Variants in CCL28 observed in about 807,000 individuals in gnomAD.
CCL28 encodes C-C motif chemokine 28.
In CCL28, 4 loss-of-function variants were observed where a neutral mutation model predicts 7.1. The observed-to-expected ratio is 0.56, with a 90% CI of 0.28 to 1.29. The LOEUF (loss-of-function observed/expected upper bound fraction) is 1.29, where lower values mean the gene tolerates loss of function less well. Among genes scored for constraint, CCL28 ranks in the 50% most tolerant of loss-of-function variants. The probability of loss-of-function intolerance (pLI) is 0.11; values close to 1 mark genes in which losing one functional copy is unlikely to be tolerated. For synonymous variants in CCL28, 55 were observed against 57.8 expected (o/e 0.95, Z 0.22); for missense variants, 151 against 163.4 (o/e 0.92, Z 0.41).
At chr5:43,361,657 A>AT in the CCL28 span, among the ~76,000 whole-genome samples, 1 of 152,054 alleles carries the variant, frequency 6.6e-6, no homozygotes, top group East Asian at 1.9e-4. Context: ...TCTTGAGTTG[A>AT]TTTTTATATA....
At chr5:43,358,349 A>G in the CCL28 span, among the ~76,000 whole-genome samples, 7 of 152,358 alleles carry the variant, frequency 4.6e-5, no homozygotes, top group African/African-American at 1.7e-4. Context: ...GGTCATAAAA[A>G]AGCAAAAACA....
the CCL28 span, among the ~76,000 whole-genome samples, chr5:43,368,886 C>T: frequency 2.6e-5 from 4 of 151,602 alleles, no homozygotes; most frequent in Non-Finnish European, 2.9e-5. Flanking sequence ...ACTCTGAAAC[C>T]GTGAGACAAT....
chr5:43,392,185 C>T (rs937167492), intron 1 of CCL28, among the ~76,000 whole-genome samples: 1 of 152,138 alleles, frequency 6.6e-6, no homozygotes, highest in African/African-American at 2.4e-5. Context: ...GGCGCGATCT[C>T]GGCTCATTGC....
intron 2 of CCL28, among the ~76,000 whole-genome samples, chr5:43,387,685 A>G (rs1740397167): frequency 6.6e-6 from 1 of 152,156 alleles, no homozygotes; most frequent in African/African-American, 2.4e-5. Context: ...GTTGGAGTGC[A>G]CTGGCATGAG....
intron 2 of CCL28, among the ~76,000 whole-genome samples, chr5:43,384,716 G>T (rs1409165776): frequency 2.0e-5 from 3 of 151,936 alleles, no homozygotes; most frequent in Non-Finnish European, 4.4e-5. Flanking sequence ...CCCTGCCATA[G>T]AGATTATACC....
At chr5:43,358,075 C>T in the CCL28 span, among the ~76,000 whole-genome samples, 78 of 152,312 alleles carry the variant, frequency 5.1e-4, no homozygotes, top group Admixed American at 2.5e-3. Context: ...CCACTCACGC[C>T]TTGTGAAGAT....
rs73751084 is a variant in CCL28, at chr5:43,397,496, C to G, written c.65-9020G>C. 1.8e-3 allele frequency among the ~76,000 whole-genome samples: 272 copies of G among 152,094 alleles called. 1 individual carries two copies. The highest frequency in any genetic ancestry group is 6.4e-3 in the African/African-American group (265 of 41,480). On this transcript the variant is annotated intron_variant, in intron 1 of 2. Coordinates refer to ENST00000361115, the MANE Select transcript of CCL28 (RefSeq NM_148672.3). ...GCCCAAGTACCCTCCTGGTCCACAG[C>G]CAGAATTAAAATGAGGCACGAGCCT...
chr5:43,369,403 T>C, the CCL28 span, among the ~76,000 whole-genome samples: 1 of 151,922 alleles, frequency 6.6e-6, no homozygotes, highest in Admixed American at 6.5e-5. Context: ...ATGTATGTTA[T>C]TTTATTTTTT....
chr5:43,373,274 T>C (rs1037146359), downstream of CCL28, among the ~76,000 whole-genome samples: 2 of 152,116 alleles, frequency 1.3e-5, no homozygotes, highest in Non-Finnish European at 2.9e-5. Flanking sequence ...AAGTTCCAGT[T>C]GCTCCACATC....
intron 1 of CCL28, among the ~76,000 whole-genome samples, chr5:43,397,679 G>A (rs1740868793): frequency 6.6e-6 from 1 of 152,114 alleles, no homozygotes; most frequent in South Asian, 2.1e-4. Context: ...GCATTTTCAC[G>A]CCTCGATCAT....
chr5:43,406,872 G>C (rs1315350493), intron 1 of CCL28, among the ~76,000 whole-genome samples: 1 of 152,148 alleles, frequency 6.6e-6, no homozygotes, highest in Non-Finnish European at 1.5e-5. Context: ...GCCAAATCAT[G>C]AGTGAACTCC....
At chr5:43,370,411 G>A in the CCL28 span, among the ~76,000 whole-genome samples, 3 of 151,742 alleles carry the variant, frequency 2.0e-5, no homozygotes, top group Admixed American at 1.3e-4. Context: ...TTGGTGGTTG[G>A]CATGATACAC....
At position 43,379,329 on chromosome 5, in the gene CCL28, G is replaced by A. The variant is rs866077355; in HGVS notation, c.*2531C>T. ...AACTTTTATTAATGTTGGTTATCAC[G>A]GTTAATTAATTTAAAATTGTGGTTT... is the stretch of plus-strand genomic sequence containing the variant. On this transcript the variant is annotated 3_prime_UTR_variant, in exon 3 of 3. Coordinates refer to ENST00000361115, the MANE Select transcript of CCL28 (RefSeq NM_148672.3). 3 of 151,720 alleles carry A rather than the reference G, an allele frequency of 2.0e-5. No individual in the cohort carries two copies. Among genetic ancestry groups the A allele is most frequent in the African/African-American group, 7.3e-5 (3 of 41,294 alleles). The allele number at this position is 151,720 out of a possible 1,614,324, so 9.4% of individuals were successfully genotyped here.
chr5:43,357,578 A>C, the CCL28 span, among the ~76,000 whole-genome samples: 1 of 152,098 alleles, frequency 6.6e-6, no homozygotes, highest in Non-Finnish European at 1.5e-5. Flanking sequence ...TCAAGCTCCC[A>C]AATTCTTCTC....
At chr5:43,408,788 T>C (rs1741411775) in intron 1 of CCL28, among the ~76,000 whole-genome samples, 1 of 152,174 alleles carries the variant, frequency 6.6e-6, no homozygotes, top group Admixed American at 6.6e-5. Flanking sequence ...CTTTAAATTT[T>C]TATATTTGAA....
chr5:43,377,873 C>CAGG (rs1739948856), downstream of CCL28, among the ~76,000 whole-genome samples: 1 of 148,194 alleles, frequency 6.7e-6, no homozygotes, highest in African/African-American at 2.5e-5. Flanking sequence ...GCTGGGACTA[C>CAGG]AGGCGCCCGC....
At chr5:43,407,495 A>T (rs1741333791) in intron 1 of CCL28, among the ~76,000 whole-genome samples, 1 of 152,242 alleles carries the variant, frequency 6.6e-6, no homozygotes, top group Admixed American at 6.5e-5. Context: ...AATTAATTCA[A>T]GATGGATTAA....
At chr5:43,388,146 G>C (rs1442699456) in intron 2 of CCL28, 6 of 555,522 alleles carry the variant, frequency 1.1e-5, no homozygotes, top group African/African-American at 9.6e-5. Flanking sequence ...TGCTGGTATG[G>C]GGCTCAGGAC....
rs979638609 is a variant in CCL28, at chr5:43,379,513, C to A, written c.*2347G>T. The A allele has an allele frequency of 6.6e-6, 1 of 152,098 alleles. No individual in the cohort carries two copies. Among genetic ancestry groups the A allele is most frequent in the Non-Finnish European group, 1.5e-5 (1 of 68,022 alleles). 9.4% of individuals were successfully genotyped at this position (152,098 alleles called of 1,614,324 possible). A position where few individuals can be genotyped will look rare whatever the true frequency, so the allele number is the denominator to read the frequency against. On this transcript the variant is annotated 3_prime_UTR_variant, in exon 3 of 3. Transcript: ENST00000361115. The stretch of plus-strand genomic sequence containing the variant: ...AGTGGAAATATAAATACAAAGCTTG[C>A]AGAAATGTCAGGAAAATAAATAAAT...
Sources: allele counts gnomAD v4.1 joint callset (sites outside exome capture counted in the v4.1 genomes callset), GRCh38; gene constraint gnomAD v4.1.1; transcripts MANE v1.5; gene names NCBI Gene and HGNC (gene_info 2026-07-23, HGNC 2026-07-21).